The following CFAP54 variants were observed in gnomAD, a reference collection of about 807,000 sequenced individuals.
CFAP54 encodes the protein cilia- and flagella-associated protein 54.
In CFAP54, 290 loss-of-function variants were observed where a neutral mutation model predicts 370.4. That is an observed-to-expected ratio of 0.78 (90% CI 0.71 to 0.86). The LOEUF is 0.86. Among genes scored for constraint, CFAP54 ranks in the 40% least tolerant of loss-of-function variants. The pLI, the probability that CFAP54 is intolerant of heterozygous loss-of-function variation, is 0.00. For synonymous variants in CFAP54, 1,206 were observed against 1,236.5 expected, an observed-to-expected ratio of 0.98 and a Z score of 0.52; for missense variants, 3,399 against 3,528.7, an observed-to-expected ratio of 0.96 and a Z score of 0.93.
intron 64 of CFAP54, among the ~76,000 whole-genome samples, chr12:96,814,627 T>A (rs1958957795): frequency 6.6e-6 from 1 of 152,242 alleles, no homozygotes; most frequent in Admixed American, 6.5e-5. Context: ...CATGGCAGTT[T>A]GCCGCACCTA....
intron 39 of CFAP54, among the ~76,000 whole-genome samples, chr12:96,664,771 C>CTATATA (rs1326435212): frequency 5.8e-5 from 4 of 69,146 alleles, no homozygotes; most frequent in Admixed American, 1.4e-4. Context: ...ATATCTATAT[C>CTATATA]TATATCTATA....
chr12:96,633,048 T>C (rs191133139), intron 32 of CFAP54, among the ~76,000 whole-genome samples: 6 of 152,166 alleles, frequency 3.9e-5, no homozygotes, highest in African/African-American at 1.4e-4. Flanking sequence ...AGGTGTATAG[T>C]TGATTTTTTT....
At chr12:96,818,578 T>G (rs1307189261) in intron 65 of CFAP54, among the ~76,000 whole-genome samples, 1 of 152,192 alleles carries the variant, frequency 6.6e-6, no homozygotes, top group African/African-American at 2.4e-5. Context: ...ACACTAATAT[T>G]TTACCCCTGA....
rs759002580 is a variant in CFAP54 at position 96,688,970 on chromosome 12, G to A, written c.6069G>A (p.Ala2023=). ...AAACTGACTGTTGCATTTTGTCTGC[G>A]TTACTCTTTCAGGTAACACTCTATG... The part of the protein sequence containing the change: ...EKKTDCCILS[A]LLFQGLLRTT... The change falls in exon 43 of 68, where the codon GCG becomes GCA. Residue 2023 remains alanine, a synonymous_variant. Coordinates refer to ENST00000524981, the MANE Select transcript of CFAP54 (RefSeq NM_001306084.2). 15 of 1,575,850 alleles carry A rather than the reference G, an allele frequency of 9.5e-6. No individual in the cohort carries two copies. Among genetic ancestry groups the A allele is most frequent in the South Asian group, 4.8e-5 (4 of 84,162 alleles).
In CFAP54 at chr12:96,664,812, TAG is replaced by T. The variant is rs368108646; in HGVS notation, c.5563+882_5563+883del. Among the ~76,000 whole-genome samples, 109 of 37,928 alleles carry T rather than the reference TAG, an allele frequency of 2.9e-3. 7 individuals are homozygous for T. Among genetic ancestry groups the T allele is most frequent in the African/African-American group, 0.011 (78 of 7,166 alleles). The allele number at this position is 37,928 out of a possible 152,430, so 24.9% of individuals were successfully genotyped here. ...ATATATATATATATATATATATATA[TAG>T]ATATATATATGTATATCCCATAATG... On this transcript the variant is annotated intron_variant, in intron 39 of 67. Transcript: ENST00000524981.
At position 96,645,141 on chromosome 12, in the gene CFAP54, T is replaced by C. The variant is rs1348931237; in HGVS notation, c.4547+733T>C. On this transcript the variant is annotated intron_variant, in intron 33 of 67. Transcript: ENST00000524981. Reference sequence around the variant, plus strand: ...ATTTACTCACCCAATGTCAATTTTCTATCATTAACTCAACAGACATTTTTA... The same window carrying C: ...ATTTACTCACCCAATGTCAATTTTCCATCATTAACTCAACAGACATTTTTA... The C allele has an allele frequency of 8.8e-6, 4 of 456,694 alleles. No individual in the cohort carries two copies. In the Admixed American group the frequency reaches 9.4e-5, roughly 11 times the overall value. 28.3% of individuals were successfully genotyped at this position (456,694 alleles called of 1,614,324 possible). A position where few individuals can be genotyped will look rare whatever the true frequency, so the allele number is the denominator to read the frequency against.
intron 40 of CFAP54, 95 bp from the exon 41 acceptor site, chr12:96,684,553 G>C: frequency 2.1e-6 from 2 of 968,324 alleles, no homozygotes; most frequent in Non-Finnish European, 3.2e-6. Context: ...AATCTACACA[G>C]TTAAGGAATA....
At chr12:96,775,032 T>C (rs1183300437) in intron 60 of CFAP54, among the ~76,000 whole-genome samples, 2 of 152,202 alleles carry the variant, frequency 1.3e-5, no homozygotes, top group African/African-American at 4.8e-5. Flanking sequence ...AGTCTACTTA[T>C]TTAAGTCTTT....
At chr12:96,520,431 C>A (rs1306011292) in intron 6 of CFAP54, among the ~76,000 whole-genome samples, 1 of 152,082 alleles carries the variant, frequency 6.6e-6, no homozygotes, top group Non-Finnish European at 1.5e-5. Context: ...GTAGTCCCAG[C>A]TACTCGGGAG....
At chr12:96,715,357 T>C (rs2136601403) in intron 48 of CFAP54, among the ~76,000 whole-genome samples, 1 of 152,126 alleles carries the variant, frequency 6.6e-6, no homozygotes, top group Non-Finnish European at 1.5e-5. Flanking sequence ...GGCTTGGGGA[T>C]TGACTAGGTG....
rs74629545 is a variant in CFAP54, at chr12:96,863,386, G to T, written c.*14+2434G>T. Among the ~76,000 whole-genome samples the T allele has an allele frequency of 5.0e-3, 767 of 152,226 alleles. 3 individuals are homozygous for T. The highest frequency in any genetic ancestry group is 7.6e-3 in the Non-Finnish European group (514 of 68,020). ...CTGTCTTCACAAGAATTATGACCAC[G>T]ATGCACATAGTATTACTGACCCCAT... On this transcript the variant is annotated intron_variant, in intron 67 of 67. Coordinates refer to ENST00000524981, the MANE Select transcript of CFAP54 (RefSeq NM_001306084.2).
At position 96,825,049 on chromosome 12, in the gene CFAP54, C is replaced by G. The variant is rs114685540; in HGVS notation, c.9097-3965C>G. Among the ~76,000 whole-genome samples, 6 of 150,866 alleles carry G rather than the reference C, an allele frequency of 4.0e-5. 1 individual carries two copies. Among genetic ancestry groups the G allele is most frequent in the Non-Finnish European group, 8.8e-5 (6 of 67,844 alleles). ...TATGTGTGACTCCCCCCACCCTACG[C>G]GCCCCACAATGCCCTGGTCCCCAAT... On this transcript the variant is annotated intron_variant, in intron 65 of 67. Coordinates refer to ENST00000524981, the MANE Select transcript of CFAP54 (RefSeq NM_001306084.2).
At chr12:96,502,693 G>A (rs200327141) in intron 2 of CFAP54, among the ~76,000 whole-genome samples, 1 of 152,124 alleles carries the variant, frequency 6.6e-6, no homozygotes, top group East Asian at 1.9e-4. Context: ...CTTTTCCTGG[G>A]GATGAAGTTG....
intron 22 of CFAP54, among the ~76,000 whole-genome samples, chr12:96,586,740 T>A (rs186534580): frequency 6.6e-6 from 1 of 152,128 alleles, no homozygotes. Context: ...TCCAGGGCAT[T>A]ACAGGGACTT....
intron 26 of CFAP54, among the ~76,000 whole-genome samples, chr12:96,604,709 CT>C (rs1417274097): frequency 2.0e-5 from 3 of 152,218 alleles, no homozygotes; most frequent in African/African-American, 7.2e-5. Context: ...CTGCCAAGCT[CT>C]AGCATCCCAG....
intron 26 of CFAP54, among the ~76,000 whole-genome samples, chr12:96,605,739 A>T (rs755871379): frequency 2.0e-5 from 3 of 152,218 alleles, no homozygotes; most frequent in Non-Finnish European, 4.4e-5. Context: ...ATCATGAATG[A>T]CACCCAGGTT....
At chr12:96,613,932 G>C (rs947122472) in intron 26 of CFAP54, among the ~76,000 whole-genome samples, 8 of 149,868 alleles carry the variant, frequency 5.3e-5, no homozygotes, top group Admixed American at 5.3e-4. Context: ...TCTACCAGAG[G>C]TACAAGGAGG....
chr12:96,491,102 T>C (rs1047959612), intron 1 of CFAP54, among the ~76,000 whole-genome samples: 7 of 152,140 alleles, frequency 4.6e-5, no homozygotes, highest in South Asian at 2.1e-4. Context: ...TCCCAAAGTA[T>C]TGGATTACAG....
intron 9 of CFAP54, among the ~76,000 whole-genome samples, chr12:96,532,006 A>G (rs1955444964): frequency 6.6e-6 from 1 of 152,230 alleles, no homozygotes. Flanking sequence ...GATTACAGGC[A>G]TAAGCCATCG....
Sources: gnomAD v4.1 joint callset for allele counts (sites outside exome capture counted in the v4.1 genomes callset) on GRCh38, gnomAD v4.1.1 for gene constraint, MANE v1.5 for transcripts, NCBI Gene and HGNC (gene_info 2026-07-23, HGNC 2026-07-21) for gene names.